The following PLA2G4E variants were observed in gnomAD, a reference collection of about 807,000 sequenced individuals.
PLA2G4E encodes the protein phospholipase A2 group IVE.
Under a neutral mutation model 109.1 loss-of-function variants are expected in PLA2G4E, and 84 were observed. The observed-to-expected ratio is 0.77, with a 90% CI of 0.65 to 0.92. The LOEUF is 0.92. PLA2G4E is among the 40% of genes least tolerant of loss of function. The pLI is 0.00. For missense variants in PLA2G4E, 1,057 were observed against 1,076.6 expected, an observed-to-expected ratio of 0.98 and a Z score of 0.25; for synonymous variants, 469 against 436.1, an observed-to-expected ratio of 1.08 and a Z score of -0.94.
intron 1 of PLA2G4E, among the ~76,000 whole-genome samples, chr15:42,048,829 C>A (rs768110949): frequency 1.4e-4 from 22 of 152,224 alleles, no homozygotes; most frequent in Admixed American, 2.6e-4. Context: ...AACTCCAGAG[C>A]CCGTGCTCTT....
At chr15:42,029,123 G>A (rs927241567) in intron 1 of PLA2G4E, among the ~76,000 whole-genome samples, 2 of 151,838 alleles carry the variant, frequency 1.3e-5, no homozygotes, top group African/African-American at 2.4e-5. Context: ...AGACAGTCTC[G>A]CTCTGTTGCC....
chr15:41,990,215 T>C (rs769786291), exon 14 of PLA2G4E: 4 of 1,613,688 alleles, frequency 2.5e-6, no homozygotes, highest in Non-Finnish European at 3.4e-6. Flanking sequence ...CACGCTGATC[T>C]GACAGTTTGC....
At chr15:42,020,735 G>A (rs2068640346) in intron 1 of PLA2G4E, among the ~76,000 whole-genome samples, 200 bp downstream of exon 1, 1 of 152,172 alleles carries the variant, frequency 6.6e-6, no homozygotes, top group African/African-American at 2.4e-5. Context: ...CAGGAGCCCT[G>A]GCCCCAACTG....
chr15:42,050,416 C>A, intron 1 of PLA2G4E: 2 of 1,337,896 alleles, frequency 1.5e-6, no homozygotes, highest in Non-Finnish European at 2.0e-6. Flanking sequence ...GAACAAAAAC[C>A]ACAACCTCTT....
At chr15:42,002,515 C>T (rs1476036086) in intron 6 of PLA2G4E, 139 bp downstream of exon 6, 13 of 960,336 alleles carry the variant, frequency 1.4e-5, no homozygotes, top group Middle Eastern at 2.3e-4. Flanking sequence ...TGGCTGGCCT[C>T]GTTTAGTCTA....
intron 1 of PLA2G4E, among the ~76,000 whole-genome samples, chr15:42,050,077 A>G (rs1889482210): frequency 6.6e-6 from 1 of 152,198 alleles, no homozygotes; most frequent in Non-Finnish European, 1.5e-5. Context: ...GCTAGACTGC[A>G]TGGTTCGAGA....
At chr15:42,014,050 C>T (rs545748009) in intron 1 of PLA2G4E, among the ~76,000 whole-genome samples, 5 of 152,106 alleles carry the variant, frequency 3.3e-5, no homozygotes, top group African/African-American at 1.2e-4. Context: ...TGCCACATAC[C>T]CAGCTAAATT....
intron 13 of PLA2G4E, among the ~76,000 whole-genome samples, 175 bp from the exon 14 acceptor site, chr15:41,990,410 C>T (rs761129629): frequency 6.6e-5 from 10 of 152,146 alleles, no homozygotes; most frequent in Non-Finnish European, 1.2e-4. Flanking sequence ...GCACCAATGG[C>T]ATAGGCACCA....
chr15:42,019,122 G>A (rs2068623951), intron 1 of PLA2G4E, among the ~76,000 whole-genome samples: 1 of 152,174 alleles, frequency 6.6e-6, no homozygotes, highest in African/African-American at 2.4e-5. Flanking sequence ...CAGGACTTGG[G>A]TGCAGGTCTT....
intron 6 of PLA2G4E, 103 bp from the exon 7 acceptor site, chr15:42,001,323 G>C: frequency 9.2e-7 from 1 of 1,087,268 alleles, no homozygotes; most frequent in East Asian, 2.4e-5. Flanking sequence ...ATTCAGCATT[G>C]GTCTGACTGG....
chr15:42,012,383 C>T (rs1355107525), intron 2 of PLA2G4E, among the ~76,000 whole-genome samples: 1 of 152,230 alleles, frequency 6.6e-6, no homozygotes, highest in Non-Finnish European at 1.5e-5. Context: ...ACACTCTCCA[C>T]ACCTGGGACC....
intron 1 of PLA2G4E, among the ~76,000 whole-genome samples, chr15:42,028,405 T>TTATTTCTC (rs1889058829): frequency 6.6e-6 from 1 of 150,776 alleles, no homozygotes; most frequent in Non-Finnish European, 1.5e-5. Flanking sequence ...ATTTATTTAT[T>TTATTTCTC]TATTTATTTA....
intron 12 of PLA2G4E, among the ~76,000 whole-genome samples, chr15:41,993,788 G>C (rs914375153): frequency 1.3e-5 from 2 of 152,162 alleles, no homozygotes; most frequent in African/African-American, 4.8e-5. Flanking sequence ...AAGGTGGGAG[G>C]TGGTCAGGAG....
Position 42,002,272 on chromosome 15 carries a change from A to G in PLA2G4E, c.609+382T>C, listed in dbSNP as rs575074595. On this transcript the variant is annotated intron_variant, in intron 6 of 19. Coordinates refer to ENST00000399518, the Ensembl canonical transcript of PLA2G4E. ...AGAGTGAGACCTTGTCTCAAAAAAA[A>G]AAAAAAAAAAAAAAAGGTAAACTGT... Among the ~76,000 whole-genome samples, 110 of 149,032 alleles carry G rather than the reference A, an allele frequency of 7.4e-4. 2 individuals are homozygous for G. Among genetic ancestry groups the G allele is most frequent in the African/African-American group, 2.6e-3 (103 of 39,250 alleles).
chr15:41,990,166 G>A, exon 14 of PLA2G4E: 3 of 1,613,698 alleles, frequency 1.9e-6, no homozygotes, highest in Non-Finnish European at 1.7e-6. Context: ...TTGATGGTGA[G>A]GTAGATGGGC....
intron 1 of PLA2G4E, among the ~76,000 whole-genome samples, chr15:42,018,670 C>T (rs1476361261): frequency 6.6e-6 from 1 of 152,144 alleles, no homozygotes; most frequent in East Asian, 1.9e-4. Context: ...TCTGGGAAGC[C>T]AGGGGAGAGA....
In PLA2G4E at chr15:42,046,344, G is replaced by A. The variant is rs148796924; in HGVS notation, c.183+4177C>T. On this transcript the variant is annotated intron_variant, in intron 1 of 19. Coordinates refer to ENST00000399518, the Ensembl canonical transcript of PLA2G4E. Reference sequence around the variant, plus strand: ...CCGCAGCATCCGGTCCATAAGGCCCGGACTTCACCTCCCAATGCTTTCTTC... The same window carrying A: ...CCGCAGCATCCGGTCCATAAGGCCCAGACTTCACCTCCCAATGCTTTCTTC... Among the ~76,000 whole-genome samples the A allele has an allele frequency of 1.5e-3, 232 of 152,292 alleles. 2 individuals carry two copies. The highest frequency in any genetic ancestry group is 5.5e-3 in the African/African-American group (227 of 41,558).
Position 42,013,761 on chromosome 15 carries a change from T to C in PLA2G4E, c.184-4A>G. 1 of 1,548,828 alleles carries C rather than the reference T, an allele frequency of 6.5e-7. No individual in the cohort carries two copies. The highest frequency in any genetic ancestry group is 2.4e-5 in the East Asian group (1 of 40,860). ...GGTGGCATGGAGACAGCCCCTCCTGTGGAAGGAGAGGACAGAGGACTCAGT... is the reference window on the plus strand; with the variant it reads ...GGTGGCATGGAGACAGCCCCTCCTGCGGAAGGAGAGGACAGAGGACTCAGT... On this transcript the variant is annotated splice_region_variant and splice_polypyrimidine_tract_variant and intron_variant, in intron 1 of 19. Transcript: ENST00000399518.
At chr15:42,019,728 C>A (rs1249423858) in intron 1 of PLA2G4E, among the ~76,000 whole-genome samples, 1 of 152,186 alleles carries the variant, frequency 6.6e-6, no homozygotes, top group Non-Finnish European at 1.5e-5. Context: ...TGAGCAACAT[C>A]CCAGACTAAG....
Sources: gnomAD v4.1 joint callset for allele counts (sites outside exome capture counted in the v4.1 genomes callset) on GRCh38, gnomAD v4.1.1 for gene constraint, MANE v1.5 for transcripts, NCBI Gene and HGNC (gene_info 2026-07-23, HGNC 2026-07-21) for gene names.